B3GAT3: variants seen among roughly 807,000 people sequenced by gnomAD.
B3GAT3 encodes beta-1,3-glucuronyltransferase 3.
A neutral mutation model predicts 33.1 loss-of-function variants in B3GAT3; 19 were observed. The observed-to-expected ratio is 0.57, with a 90% confidence interval of 0.40 to 0.84. B3GAT3 has a LOEUF of 0.84. B3GAT3 is among the 40% of genes least tolerant of loss of function. The probability of loss-of-function intolerance (pLI) is 0.00; values close to 1 mark genes in which losing one functional copy is unlikely to be tolerated. For synonymous variants in B3GAT3, 167 were observed against 193.5 expected, an observed-to-expected ratio of 0.86 and a Z score of 1.14; for missense variants, 344 against 441.5, an observed-to-expected ratio of 0.78 and a Z score of 1.98.
In B3GAT3 at chr11:62,619,699, C is replaced by CTTTT. The variant is rs5792264; in HGVS notation, c.257+794_257+797dup. On this transcript the variant is annotated intron_variant, in intron 2 of 4. Transcript: ENST00000265471. ...GGCATGCACCATCACGCCTAGCTAA[C>CTTTT]TTTTTTTTTTTTTTTTTTTTTTTTT... Among the ~76,000 whole-genome samples the CTTTT allele has an allele frequency of 1.1e-4, 9 of 85,710 alleles. 1 individual carries two copies. Among genetic ancestry groups the CTTTT allele is most frequent in the African/African-American group, 2.5e-4 (5 of 20,342 alleles). The allele number at this position is 85,710 out of a possible 152,430, so 56.2% of individuals were successfully genotyped here.
chr11:62,618,966 G>A (rs1474401152), intron 2 of B3GAT3, among the ~76,000 whole-genome samples: 2 of 149,440 alleles, frequency 1.3e-5, no homozygotes, highest in Non-Finnish European at 3.0e-5. Context: ...CTGGGCGACA[G>A]AGTGAGACTC....
chr11:62,619,719 T>TTTTTTTTTTTG (rs1943108531), intron 2 of B3GAT3, among the ~76,000 whole-genome samples: 1 of 124,376 alleles, frequency 8.0e-6, no homozygotes, highest in Non-Finnish European at 1.8e-5. Context: ...TTTTTTTTTT[T>TTTTTTTTTTTG]TTTTTCAGAG....
intron 2 of B3GAT3, among the ~76,000 whole-genome samples, chr11:62,618,867 C>T (rs1305524866): frequency 6.6e-6 from 1 of 152,000 alleles, no homozygotes; most frequent in Non-Finnish European, 1.5e-5. Flanking sequence ...CTTGTAACCC[C>T]AGCTACTCGG....
chr11:62,617,124 G>A lies in B3GAT3; in HGVS notation c.481C>T (p.Arg161Trp), dbSNP rs765246909. Residue 161 changes from arginine (R) to tryptophan (W), a missense_variant, in exon 3 of 5, where the codon CGG becomes TGG. Coordinates refer to ENST00000265471, the MANE Select transcript of B3GAT3 (RefSeq NM_012200.4). ...CGGAGCCAGTCCAGGGCCTTGTTCC[G>A]CTGCTCGACACCACGGGGATGAACC... The part of the protein sequence containing the change: ...GWVHPRGVEQ[R>W]NKALDWLRGR... 5.6e-6 allele frequency: 9 copies of A among 1,613,878 alleles called. No homozygotes were observed. Among genetic ancestry groups the A allele is most frequent in the East Asian group, 4.5e-5 (2 of 44,868 alleles).
At chr11:62,616,391 A>C in intron 4 of B3GAT3, 115 bp downstream of exon 4, 1 of 1,440,024 alleles carries the variant, frequency 6.9e-7, no homozygotes, top group Non-Finnish European at 9.7e-7. Context: ...AAGGCTGATC[A>C]GAGATCTGGA....
chr11:62,617,128 C>T lies in B3GAT3; in HGVS notation c.477G>A (p.Glu159=). 1 of 1,613,984 alleles carries T rather than the reference C, an allele frequency of 6.2e-7. No individual in the cohort carries two copies. The change falls in exon 3 of 5, where the codon GAG becomes GAA. Residue 159 remains glutamate (E), a synonymous_variant. Transcript: ENST00000265471. ...EPGWVHPRGV[E]QRNKALDWLR... is the part of the protein sequence containing the mutation. ...GCCAGTCCAGGGCCTTGTTCCGCTG[C>T]TCGACACCACGGGGATGAACCCAGC...
chr11:62,615,958 G>T, intron 4 of B3GAT3, 159 bp from the exon 5 acceptor site: 1 of 1,502,482 alleles, frequency 6.7e-7, no homozygotes, highest in Non-Finnish European at 8.9e-7. Flanking sequence ...CTAAAACCGG[G>T]CCTTGGCCGG....
rs1228920809 is a variant in B3GAT3, at chr11:62,617,166, C to G, written c.439G>C (p.Glu147Gln). ...VLTPKAQRLR[E>Q]GEPGWVHPRG... ...GGATGAACCCAGCCAGGCTCGCCCTCCCGAAGCCGCTGGGCTTTGGGCGTG... is the reference window on the plus strand; with the variant it reads ...GGATGAACCCAGCCAGGCTCGCCCTGCCGAAGCCGCTGGGCTTTGGGCGTG... Residue 147 changes from glutamate to glutamine, a missense_variant, in exon 3 of 5, where the codon GAG becomes CAG. By Grantham distance (29) the Glu-to-Gln change is conservative. Transcript: ENST00000265471. The G allele has an allele frequency of 2.5e-6, 4 of 1,613,868 alleles. No homozygotes were observed. The East Asian group carries it at 8.9e-5, about 36-fold the overall frequency.
chr11:62,617,305 C>T lies in B3GAT3; in HGVS notation c.300G>A (p.Leu100=), dbSNP rs1357943837. 6.2e-7 allele frequency: 1 copy of T among 1,613,248 alleles called. No homozygotes were observed. Among genetic ancestry groups the T allele is most frequent in the Non-Finnish European group, 8.5e-7 (1 of 1,180,042 alleles). ...KAELVRLSQT[L]SLVPRLHWLL... ...GCCAATGCAGCCGGGGCACCAGGCT[C>T]AGTGTCTGGGACAGTCGTACCAGCT... Residue 100 remains leucine, a synonymous_variant, in exon 3 of 5, where the codon CTG becomes CTA. Coordinates refer to ENST00000265471, the MANE Select transcript of B3GAT3 (RefSeq NM_012200.4).
Position 62,617,354 on chromosome 11 carries a change from G to A in B3GAT3, c.258-7C>T, listed in dbSNP as rs996405731. ...CTCTGCCTTCTGTACCAGCCTGCAG[G>A]GGAGAGATGCAGCACAAGGAAAAGG... On this transcript the variant is annotated splice_region_variant and splice_polypyrimidine_tract_variant and intron_variant, in intron 2 of 4. Transcript: ENST00000265471. 6.2e-7 allele frequency: 1 copy of A among 1,610,898 alleles called. No homozygotes were observed. Among genetic ancestry groups the A allele is most frequent in the African/African-American group, 1.3e-5 (1 of 74,914 alleles).
At chr11:62,619,699 C>CTGTTTT (rs1943106465) in intron 2 of B3GAT3, among the ~76,000 whole-genome samples, 1 of 85,712 alleles carries the variant, frequency 1.2e-5, no homozygotes, top group East Asian at 4.6e-4. Context: ...GCCTAGCTAA[C>CTGTTTT]TTTTTTTTTT....
Position 62,615,390 on chromosome 11 carries a change from G to T in B3GAT3, c.*311C>A. The T allele has an allele frequency of 1.9e-6, 1 of 513,092 alleles. No homozygotes were observed. Among genetic ancestry groups the T allele is most frequent in the East Asian group, 3.7e-5 (1 of 27,380 alleles). The allele number at this position is 513,092 out of a possible 1,614,324, so 31.8% of individuals were successfully genotyped here. ...CAGCTCCTCCAGCCCCCCAGTGCAT[G>T]CCCAGCCCCAATAAGTTACCCAGTT... On this transcript the variant is annotated 3_prime_UTR_variant, in exon 5 of 5. Coordinates refer to ENST00000265471, the MANE Select transcript of B3GAT3 (RefSeq NM_012200.4).
Position 62,616,621 on chromosome 11 carries a change from T to A in B3GAT3, c.794A>T (p.Asp265Val), listed in dbSNP as rs1383658050. The change falls in exon 4 of 5, where the codon GAT becomes GTT. Residue 265 changes from aspartate (D) to valine (V), a missense_variant. Transcript: ENST00000265471. ...GGAATCAAATTGGGCATTGGGCTTA[T>A]CTAACAGCAAGGGCAGGGCCACGGC... Reference protein sequence around the residue: ...GFAVALPLLLDKPNAQFDSTA... With the variant: ...GFAVALPLLLVKPNAQFDSTA... 5.6e-6 allele frequency: 9 copies of A among 1,614,024 alleles called. No individual in the cohort carries two copies. The highest frequency in any genetic ancestry group is 2.7e-5 in the African/African-American group (2 of 74,898).
chr11:62,615,542 G>T lies in B3GAT3; in HGVS notation c.*159C>A. Reference sequence around the variant, plus strand: ...AGTGCCACACGGCAGGCTAGGGGAGGGGTGAAGCAGCAGGACCATGCCCTG... The same window carrying T: ...AGTGCCACACGGCAGGCTAGGGGAGTGGTGAAGCAGCAGGACCATGCCCTG... On this transcript the variant is annotated 3_prime_UTR_variant, in exon 5 of 5. Transcript: ENST00000265471. 1 of 1,322,604 alleles carries T rather than the reference G, an allele frequency of 7.6e-7. No homozygotes were observed. Among genetic ancestry groups the T allele is most frequent in the Non-Finnish European group, 1.0e-6 (1 of 967,326 alleles). 81.9% of individuals were successfully genotyped at this position (1,322,604 alleles called of 1,614,324 possible).
At position 62,615,772 on chromosome 11, in the gene B3GAT3, T is replaced by C; in HGVS notation, c.937A>G (p.Lys313Glu). ...RVLVWHTRTE[K>E]PKMKQEEQLQ... Reference sequence around the variant, plus strand: ...TGCTCCTCCTGCTTCATCTTGGGCTTCTCTGTCCGAGTATGCCACACCAGT... The same window carrying C: ...TGCTCCTCCTGCTTCATCTTGGGCTCCTCTGTCCGAGTATGCCACACCAGT... Residue 313 changes from lysine to glutamate, a missense_variant, in exon 5 of 5, where the codon AAG becomes GAG. Lys to Glu is a moderately conservative substitution (Grantham distance 56). Coordinates refer to ENST00000265471, the MANE Select transcript of B3GAT3 (RefSeq NM_012200.4). 1 of 1,613,976 alleles carries C rather than the reference T, an allele frequency of 6.2e-7. No individual in the cohort carries two copies. Among genetic ancestry groups the C allele is most frequent in the Non-Finnish European group, 8.5e-7 (1 of 1,180,020 alleles).
chr11:62,616,336 C>T, intron 4 of B3GAT3, 170 bp downstream of exon 4: 3 of 982,178 alleles, frequency 3.1e-6, no homozygotes, highest in Admixed American at 4.2e-5. Context: ...GGCAGGAGAC[C>T]ACTTTCCCCC....
rs1339810269 is a variant in B3GAT3, at chr11:62,616,440, A to G, written c.909+66T>C. 1.9e-6 allele frequency: 3 copies of G among 1,607,318 alleles called. No individual in the cohort carries two copies. The African/African-American group carries it at 4.0e-5, about 22-fold the overall frequency. On this transcript the variant is annotated intron_variant, in intron 4 of 4. Transcript: ENST00000265471. The stretch of plus-strand genomic sequence containing the variant: ...TTAAACCACCCATTCCCAGGGTCTC[A>G]CTGTACCTCCCCCATCACCTGTCCA...
At chr11:62,620,778 G>A in intron 1 of B3GAT3, 107 bp from the exon 2 acceptor site, 1 of 1,137,892 alleles carries the variant, frequency 8.8e-7, no homozygotes, top group Non-Finnish European at 1.3e-6. Context: ...AACCAATGCA[G>A]GTATCACCTT....
At chr11:62,620,380 T>A (rs905788849) in intron 2 of B3GAT3, 117 bp downstream of exon 2, 2 of 969,874 alleles carry the variant, frequency 2.1e-6, no homozygotes, top group Non-Finnish European at 3.2e-6. Flanking sequence ...ATTTATCCTG[T>A]CTTTGGCATG....
Sources: gnomAD v4.1 joint callset for allele counts (sites outside exome capture counted in the v4.1 genomes callset) on GRCh38, gnomAD v4.1.1 for gene constraint, MANE v1.5 for transcripts, NCBI Gene and HGNC (gene_info 2026-07-23, HGNC 2026-07-21) for gene names.